Variants in CPED1 observed in about 807,000 individuals in gnomAD.
The protein encoded by CPED1 is cadherin like and PC-esterase domain containing 1, also known as cadherin-like and PC-esterase domain-containing protein 1.
Under a neutral mutation model 128.2 loss-of-function variants are expected in CPED1, and 114 were observed. The ratio of observed to expected loss-of-function variants is 0.89; its 90% CI spans 0.76 to 1.04. The LOEUF is 1.04. Ranked by LOEUF, CPED1 falls within the 50% of genes least tolerant of loss-of-function variation. The pLI is 0.00. For missense variants in CPED1, 1,211 were observed against 1,207.1 expected, an observed-to-expected ratio of 1.00 and a Z score of -0.05; for synonymous variants, 462 against 426.7, an observed-to-expected ratio of 1.08 and a Z score of -1.02.
intron 16 of CPED1, among the ~76,000 whole-genome samples, chr7:121,176,879 A>G (rs1475579368): frequency 1.3e-5 from 2 of 152,104 alleles, no homozygotes; most frequent in Non-Finnish European, 2.9e-5. Context: ...GATTTCTGCC[A>G]TCCTTGGAAA....
intron 16 of CPED1, among the ~76,000 whole-genome samples, chr7:121,178,754 T>A (rs1385025081): frequency 1.3e-5 from 2 of 152,068 alleles, no homozygotes; most frequent in East Asian, 3.9e-4. Context: ...AGAGCTGACC[T>A]TGTAGAGAAT....
chr7:121,022,410 T>A (rs1040509613), intron 3 of CPED1, among the ~76,000 whole-genome samples: 2 of 152,020 alleles, frequency 1.3e-5, no homozygotes, highest in African/African-American at 4.8e-5. Context: ...TTTTGAGTAC[T>A]TGTGTCCATT....
At chr7:121,102,149 T>G (rs1794865520) in intron 7 of CPED1, among the ~76,000 whole-genome samples, 1 of 152,200 alleles carries the variant, frequency 6.6e-6, no homozygotes, top group Admixed American at 6.5e-5. Context: ...TTTAATGACT[T>G]CTTTTTCACA....
At chr7:121,086,696 A>G (rs1794433989) in intron 5 of CPED1, among the ~76,000 whole-genome samples, 1 of 152,210 alleles carries the variant, frequency 6.6e-6, no homozygotes, top group African/African-American at 2.4e-5. Context: ...ATTCTCCAAG[A>G]TAGTGGCAGT....
chr7:121,094,493 G>C (rs1794652101), intron 5 of CPED1, among the ~76,000 whole-genome samples: 1 of 152,152 alleles, frequency 6.6e-6, no homozygotes, highest in South Asian at 2.1e-4. Flanking sequence ...ATATGATTTT[G>C]TTCTCTAACC....
intron 16 of CPED1, among the ~76,000 whole-genome samples, chr7:121,212,807 T>C (rs1017577886): frequency 1.3e-5 from 2 of 152,086 alleles, no homozygotes; most frequent in Admixed American, 6.6e-5. Context: ...ATACTTTCCT[T>C]GATGACAGGC....
At chr7:121,238,097 G>T (rs751578724) in intron 17 of CPED1, among the ~76,000 whole-genome samples, 9 of 152,140 alleles carry the variant, frequency 5.9e-5, no homozygotes, top group Admixed American at 5.9e-4. Flanking sequence ...AAAGTTCAAG[G>T]TACATTACTG....
intron 3 of CPED1, among the ~76,000 whole-genome samples, chr7:121,036,899 A>G (rs1792910150): frequency 6.6e-6 from 1 of 152,068 alleles, no homozygotes; most frequent in South Asian, 2.1e-4. Context: ...AGTGATGTTG[A>G]GCATTTTTTC....
intron 16 of CPED1, among the ~76,000 whole-genome samples, chr7:121,234,785 G>A (rs771249320): frequency 6.6e-6 from 1 of 152,018 alleles, no homozygotes; most frequent in Non-Finnish European, 1.5e-5. Context: ...TCAATATTTA[G>A]TACATTGTTG....
chr7:121,143,363 G>A (rs1027283197), intron 16 of CPED1, among the ~76,000 whole-genome samples: 1 of 151,928 alleles, frequency 6.6e-6, no homozygotes, highest in African/African-American at 2.4e-5. Flanking sequence ...TTATAGTACG[G>A]AAAATATATA....
intron 6 of CPED1, 33 bp from the exon 7 acceptor site, chr7:121,099,893 T>C (rs1196799311): frequency 1.9e-6 from 3 of 1,572,624 alleles, no homozygotes; most frequent in African/African-American, 1.6e-5. Context: ...CCCTACATTA[T>C]GGAGCGCTAA....
chr7:121,274,057 CTTCAA>C (rs1298030965), intron 22 of CPED1, among the ~76,000 whole-genome samples: 1 of 152,066 alleles, frequency 6.6e-6, no homozygotes, highest in Non-Finnish European at 1.5e-5. Context: ...CATAATGTGT[CTTCAA>C]TTCATATTTT....
intron 14 of CPED1, among the ~76,000 whole-genome samples, chr7:121,140,224 A>T (rs935631532): frequency 3.3e-5 from 5 of 151,980 alleles, no homozygotes; most frequent in African/African-American, 4.8e-5. Flanking sequence ...GGAGCAGAGG[A>T]TAGTATGTCC....
chr7:121,258,137 A>G (rs1190884441), intron 18 of CPED1, among the ~76,000 whole-genome samples: 1 of 152,100 alleles, frequency 6.6e-6, no homozygotes, highest in African/African-American at 2.4e-5. Context: ...CATATCAGCA[A>G]TGTTGCAATA....
At chr7:121,087,175 G>A (rs1242293764) in intron 5 of CPED1, among the ~76,000 whole-genome samples, 1 of 151,946 alleles carries the variant, frequency 6.6e-6, no homozygotes. Flanking sequence ...TTTTTTCTTT[G>A]GTTGGGGGAG....
intron 2 of CPED1, among the ~76,000 whole-genome samples, chr7:120,999,740 A>G (rs2031975512): frequency 2.0e-5 from 3 of 152,318 alleles, no homozygotes; most frequent in South Asian, 4.1e-4. Flanking sequence ...TTGTGAATTT[A>G]TCTGAGACAG....
At chr7:121,113,512 C>T (rs1172991084) in intron 7 of CPED1, among the ~76,000 whole-genome samples, 1 of 152,144 alleles carries the variant, frequency 6.6e-6, no homozygotes, top group East Asian at 1.9e-4. Flanking sequence ...GGGATGTTTA[C>T]ATTTGCTTTG....
intron 16 of CPED1, chr7:121,149,699 A>T (rs1462594957): frequency 6.6e-6 from 1 of 152,096 alleles, no homozygotes; most frequent in East Asian, 1.9e-4. Flanking sequence ...ATGTTTTGAC[A>T]TTCTAAGAAT....
At chr7:121,291,138 C>G (rs1402493313) in intron 22 of CPED1, among the ~76,000 whole-genome samples, 2 of 152,126 alleles carry the variant, frequency 1.3e-5, no homozygotes, top group African/African-American at 4.8e-5. Context: ...TTTCTGAGGC[C>G]TCTCCTCTGT....
Sources: gnomAD v4.1 joint callset for allele counts (sites outside exome capture counted in the v4.1 genomes callset) on GRCh38, gnomAD v4.1.1 for gene constraint, MANE v1.5 for transcripts, NCBI Gene and HGNC (gene_info 2026-07-23, HGNC 2026-07-21) for gene names.